Variants in ATP8B2 observed in about 807,000 individuals in gnomAD.
ATP8B2 encodes phospholipid-transporting ATPase ID.
In ATP8B2, 70 loss-of-function variants were observed where a neutral mutation model predicts 133.4. The ratio of observed to expected loss-of-function variants is 0.52; its 90% CI spans 0.43 to 0.64. The LOEUF (loss-of-function observed/expected upper bound fraction) is 0.64. Ranked by LOEUF, ATP8B2 falls within the 30% of genes least tolerant of loss-of-function variation. ATP8B2 has a pLI of 0.00. For missense variants in ATP8B2, 1,101 were observed against 1,535.7 expected, an observed-to-expected ratio of 0.72 and a Z score of 4.73; for synonymous variants, 517 against 589.5, an observed-to-expected ratio of 0.88 and a Z score of 1.78.
chr1:154,344,929 C>T lies in ATP8B2; in HGVS notation c.2287-42C>T. 1 of 1,583,874 alleles carries T rather than the reference C, an allele frequency of 6.3e-7. No individual in the cohort carries two copies. Among genetic ancestry groups the T allele is most frequent in the Non-Finnish European group, 8.6e-7 (1 of 1,164,068 alleles). ...GGGAGGAGCTGAGACTCCCAGGTGTCTCCTGGAAAGACTGGCTCTCTCAGG... is the reference window on the plus strand; with the variant it reads ...GGGAGGAGCTGAGACTCCCAGGTGTTTCCTGGAAAGACTGGCTCTCTCAGG... On this transcript the variant is annotated intron_variant, in intron 21 of 27. Transcript: ENST00000368489. This position sits in a 1 kb window ranked among gnomAD's most constrained non-coding sequence, Gnocchi z 4.1.
At position 154,345,082 on chromosome 1, in the gene ATP8B2, C is replaced by T; in HGVS notation, c.2398C>T (p.Leu800=). ...CTTGCAGAAGGCACAGGTGGTAGAACTGGTCAAGAAGTACAAGAAGGCTGT... is the reference window on the plus strand; with the variant it reads ...CTTGCAGAAGGCACAGGTGGTAGAATTGGTCAAGAAGTACAAGAAGGCTGT... ...TPLQKAQVVE[L]VKKYKKAVTL... is the part of the protein sequence containing the mutation. The change falls in exon 22 of 28, where the codon CTG becomes TTG. Residue 800 remains leucine, a synonymous_variant. Transcript: ENST00000368489. This position sits in a 1 kb window ranked among gnomAD's most constrained non-coding sequence, Gnocchi z 5.6. 1 of 1,614,182 alleles carries T rather than the reference C, an allele frequency of 6.2e-7. No individual in the cohort carries two copies. Among genetic ancestry groups the T allele is most frequent in the East Asian group, 2.2e-5 (1 of 44,882 alleles).
chr1:154,336,942 G>A (rs1686205561), intron 11 of ATP8B2, among the ~76,000 whole-genome samples: 3 of 150,514 alleles, frequency 2.0e-5, no homozygotes, highest in Admixed American at 2.0e-4. Context: ...CTACAGGCAA[G>A]TGCCACCAGG....
chr1:154,329,375 G>A (rs1685905594), intron 2 of ATP8B2, among the ~76,000 whole-genome samples: 2 of 152,180 alleles, frequency 1.3e-5, no homozygotes, highest in Admixed American at 1.3e-4. Context: ...GGGTCCTGGG[G>A]TGTGTAGAAA....
In ATP8B2 at chr1:154,340,649, G is replaced by A. The variant is rs1686348685; in HGVS notation, c.1035-205G>A. Reference sequence around the variant, plus strand: ...TTCTTGTCTGGAGAGCATCAGGAGGGTCGGGTCGGGGCGTTCCTCTGCTGG... The same window carrying A: ...TTCTTGTCTGGAGAGCATCAGGAGGATCGGGTCGGGGCGTTCCTCTGCTGG... On this transcript the variant is annotated intron_variant, in intron 12 of 27. Transcript: ENST00000368489. The surrounding 1 kb of genome is among the most constrained non-coding windows in gnomAD (Gnocchi z 4.0). 1.7e-6 allele frequency: 1 copy of A among 600,016 alleles called. No individual in the cohort carries two copies. The highest frequency in any genetic ancestry group is 1.9e-5 in the African/African-American group (1 of 53,670). The allele number at this position is 600,016 out of a possible 1,614,324, so 37.2% of individuals were successfully genotyped here. A position where few individuals can be genotyped will look rare whatever the true frequency, so the allele number is the denominator to read the frequency against.
intron 26 of ATP8B2, among the ~76,000 whole-genome samples, chr1:154,348,083 G>A (rs576958564): frequency 2.6e-5 from 4 of 152,228 alleles, no homozygotes; most frequent in Non-Finnish European, 4.4e-5. Context: ...AGGGTTTTTA[G>A]TTGGAGCAAC....
rs149548274 is a variant in ATP8B2 at position 154,340,943 on chromosome 1, G to T, written c.1124G>T (p.Arg375Leu). 6.2e-7 allele frequency: 1 copy of T among 1,613,988 alleles called. No individual in the cohort carries two copies. The highest frequency in any genetic ancestry group is 8.5e-7 in the Non-Finnish European group (1 of 1,180,016). The stretch of plus-strand genomic sequence containing the variant: ...AAGAAGCGGACGCCTGCAGAAGCCC[G>T]CACCACCACCCTAAACGAGGAGCTG... ...CMKKRTPAEA[R>L]TTTLNEELGQ... The change falls in exon 13 of 28, where the codon CGC becomes CTC. Residue 375 changes from arginine to leucine, a missense_variant. By Grantham distance (102) the Arg-to-Leu change is moderately radical (BLOSUM62 -2). Transcript: ENST00000368489. This position sits in a 1 kb window ranked among gnomAD's most constrained non-coding sequence, Gnocchi z 4.0.
intron 1 of ATP8B2, chr1:154,327,687 G>C: frequency 7.8e-6 from 8 of 1,030,772 alleles, no homozygotes; most frequent in Non-Finnish European, 1.2e-5. Flanking sequence ...GCCCTGCCAG[G>C]TGTTTCCTGG....
In ATP8B2 at chr1:154,345,323, G is replaced by A. The variant is rs367625325; in HGVS notation, c.2472G>A (p.Thr824=). Residue 824 remains threonine, a splice_region_variant and synonymous_variant, in exon 23 of 28, where the codon ACG becomes ACA. Coordinates refer to ENST00000368489, the MANE Select transcript of ATP8B2 (RefSeq NM_001370597.1). The surrounding 1 kb of genome is among the most constrained non-coding windows in gnomAD (Gnocchi z 5.6). ...DGANDVSMIK[T]AHIGVGISGQ... is the part of the protein sequence containing the mutation. Reference sequence around the variant, plus strand: ...TCTTGTCATCTCTTGTCTCTGCAGCGGCTCACATTGGTGTGGGGATCAGTG... The same window carrying A: ...TCTTGTCATCTCTTGTCTCTGCAGCAGCTCACATTGGTGTGGGGATCAGTG... The A allele has an allele frequency of 2.5e-6, 4 of 1,613,938 alleles. No homozygotes were observed. The highest frequency in any genetic ancestry group is 2.2e-5 in the East Asian group (1 of 44,888).
chr1:154,333,377 A>C, intron 9 of ATP8B2, among the ~76,000 whole-genome samples: 1 of 151,002 alleles, frequency 6.6e-6, no homozygotes, highest in East Asian at 2.0e-4. Flanking sequence ...CGTGGTGTGC[A>C]TCTGTAGTCC....
rs1053137371 is a variant in ATP8B2 at position 154,334,837 on chromosome 1, C to G, written c.837+246C>G. Among the ~76,000 whole-genome samples, 1 of 152,056 alleles carries G rather than the reference C, an allele frequency of 6.6e-6. No homozygotes were observed. ...AAAACAAATCATCCCTTCTCTGATT[C>G]CAGTTATGATGATGACTTTGTGAAG... On this transcript the variant is annotated intron_variant, in intron 11 of 27. Coordinates refer to ENST00000368489, the MANE Select transcript of ATP8B2 (RefSeq NM_001370597.1). The surrounding 1 kb of genome is among the most constrained non-coding windows in gnomAD (Gnocchi z 4.6).
chr1:154,333,926 CG>C (rs1464869284), intron 9 of ATP8B2, among the ~76,000 whole-genome samples, 180 bp from the exon 10 acceptor site: 1 of 152,184 alleles, frequency 6.6e-6, no homozygotes, highest in African/African-American at 2.4e-5. Context: ...TGAGCTGCCG[CG>C]CCCGGCCTGC....
chr1:154,342,009 C>G (rs954241547), intron 13 of ATP8B2, among the ~76,000 whole-genome samples: 1 of 152,100 alleles, frequency 6.6e-6, no homozygotes, highest in Non-Finnish European at 1.5e-5. Context: ...GTTGGACTTC[C>G]CAGTGTGGCC....
At chr1:154,326,232 G>A (rs972869671) in intron 1 of ATP8B2, among the ~76,000 whole-genome samples, 4 of 152,126 alleles carry the variant, frequency 2.6e-5, no homozygotes, top group Non-Finnish European at 5.9e-5. Context: ...AGGGAAGGTG[G>A]CCCGAGCTCG....
At position 154,340,790 on chromosome 1, in the gene ATP8B2, C is replaced by T; in HGVS notation, c.1035-64C>T. Reference sequence around the variant, plus strand: ...CCAGGCGGAGGGCCTGCAGCGAAGGCCCATGTGGGTGGGGCACCTCCTCTT... The same window carrying T: ...CCAGGCGGAGGGCCTGCAGCGAAGGTCCATGTGGGTGGGGCACCTCCTCTT... On this transcript the variant is annotated intron_variant, in intron 12 of 27. Coordinates refer to ENST00000368489, the MANE Select transcript of ATP8B2 (RefSeq NM_001370597.1). This position sits in a 1 kb window ranked among gnomAD's most constrained non-coding sequence, Gnocchi z 4.0. 1 of 1,496,102 alleles carries T rather than the reference C, an allele frequency of 6.7e-7. No homozygotes were observed. The highest frequency in any genetic ancestry group is 1.7e-5 in the Admixed American group (1 of 59,492). The allele number at this position is 1,496,102 out of a possible 1,614,324, so 92.7% of individuals were successfully genotyped here. A position where few individuals can be genotyped will look rare whatever the true frequency, so the allele number is the denominator to read the frequency against.
Position 154,349,546 on chromosome 1 carries a change from CCA to C in ATP8B2, c.*429_*430del, listed in dbSNP as rs1176065804. ...CATAAGAATGTACCATGCCGGGAAG[CCA>C]GAGACCTGCAGGGGCCTCGGCCCCT... On this transcript the variant is annotated 3_prime_UTR_variant, in exon 28 of 28. Transcript: ENST00000368489. 6.7e-5 allele frequency: 12 copies of C among 177,822 alleles called. No individual in the cohort carries two copies. The highest frequency in any genetic ancestry group is 5.4e-4 in the Admixed American group (10 of 18,462). The allele number at this position is 177,822 out of a possible 1,614,324, so 11.0% of individuals were successfully genotyped here. A position where few individuals can be genotyped will look rare whatever the true frequency, so the allele number is the denominator to read the frequency against.
chr1:154,337,527 C>T lies in ATP8B2; in HGVS notation c.1017C>T (p.Pro339=), dbSNP rs1389660119. The T allele has an allele frequency of 6.2e-7, 1 of 1,614,196 alleles. No homozygotes were observed. Among genetic ancestry groups the T allele is most frequent in the East Asian group, 2.2e-5 (1 of 44,890 alleles). The change falls in exon 12 of 28, where the codon CCC becomes CCT. Residue 339 remains proline (P), a synonymous_variant. Transcript: ENST00000368489. ...SYIIILNTVV[P]ISLYVSVEVI... is the part of the protein sequence containing the mutation. ...TCATCATCCTCAACACCGTTGTGCC[C>T]ATTTCACTCTATGTCAGGTATGTGC...
chr1:154,330,317 A>T, intron 2 of ATP8B2, 79 bp from the exon 3 acceptor site: 1 of 1,320,844 alleles, frequency 7.6e-7, no homozygotes, highest in Non-Finnish European at 1.1e-6. Context: ...TTCTGTGGAA[A>T]AAAACAGGGA....
intron 9 of ATP8B2, among the ~76,000 whole-genome samples, chr1:154,333,737 C>T (rs982884127): frequency 6.0e-5 from 9 of 150,444 alleles, no homozygotes; most frequent in African/African-American, 2.0e-4. Context: ...CAGGTTCAAG[C>T]GATCCTCGTG....
chr1:154,339,845 T>C (rs1686317404), intron 12 of ATP8B2, among the ~76,000 whole-genome samples: 1 of 152,080 alleles, frequency 6.6e-6, no homozygotes. Flanking sequence ...ACAGTGCATA[T>C]GATTAGCAAA....
Sources: gnomAD v4.1 joint callset for allele counts (sites outside exome capture counted in the v4.1 genomes callset) on GRCh38, gnomAD v4.1.1 for gene constraint, Gnocchi (gnomAD v3.1) non-coding constraint, MANE v1.5 for transcripts, NCBI Gene and HGNC (gene_info 2026-07-23, HGNC 2026-07-21) for gene names.